ZNF335: variants seen among roughly 807,000 people sequenced by gnomAD.
The protein encoded by ZNF335 is zinc finger protein 335, also known as NRC-interacting factor 1.
Under a neutral mutation model 145.6 loss-of-function variants are expected in ZNF335, and 84 were observed. The observed-to-expected ratio is 0.58, with a 90% CI of 0.48 to 0.69. ZNF335 has a LOEUF of 0.69. ZNF335 is among the 30% of genes least tolerant of loss of function. The pLI, the probability that ZNF335 is intolerant of heterozygous loss-of-function variation, is 0.00. For synonymous variants in ZNF335, 761 were observed against 717.0 expected, an observed-to-expected ratio of 1.06 and a Z score of -0.98; for missense variants, 1,865 against 1,809.7, an observed-to-expected ratio of 1.03 and a Z score of -0.55.
At position 45,949,970 on chromosome 20, in the gene ZNF335, T is replaced by C. The variant is rs750079378; in HGVS notation, c.3587A>G (p.Asn1196Ser). The change falls in exon 23 of 28, where the codon AAT becomes AGT. Residue 1196 changes from asparagine (N) to serine (S), a missense_variant. Physicochemically the swap from Asn to Ser is conservative, Grantham distance 46. Coordinates refer to ENST00000322927, the MANE Select transcript of ZNF335 (RefSeq NM_022095.4). The stretch of plus-strand genomic sequence containing the variant: ...GCCCCCAGTCCTGACTCTTACCTGA[T>C]TGGTCACTGTCTGTTCCTGGGCAAC... ...IIVAQEQTVT[N>S]QEEAAYIQEI... 3.7e-6 allele frequency: 6 copies of C among 1,614,134 alleles called. No homozygotes were observed. Among genetic ancestry groups the C allele is most frequent in the South Asian group, 2.2e-5 (2 of 91,086 alleles).
At chr20:45,972,004 C>T (rs2084082086) in intron 1 of ZNF335, 118 bp downstream of exon 1, 1 of 1,205,626 alleles carries the variant, frequency 8.3e-7, no homozygotes, top group Non-Finnish European at 1.1e-6. Context: ...GCCTGGGACC[C>T]CGGGGCCCTG....
rs1012146460 is a variant in ZNF335, at chr20:45,971,201, G to A, written c.201+9C>T. The A allele has an allele frequency of 3.3e-6, 5 of 1,528,772 alleles. No homozygotes were observed. The highest frequency in any genetic ancestry group is 3.5e-6 in the Non-Finnish European group (4 of 1,139,318). The allele number at this position is 1,528,772 out of a possible 1,614,324, so 94.7% of individuals were successfully genotyped here. On this transcript the variant is annotated intron_variant, in intron 2 of 27. Transcript: ENST00000322927. ...TGCCTCCACCCACGCCGTCCAGCCG[G>A]GTCCATACCTGAGAACGGCTGCCGC...
At position 45,967,551 on chromosome 20, in the gene ZNF335, G is replaced by A; in HGVS notation, c.898C>T (p.Pro300Ser). 1 of 1,613,974 alleles carries A rather than the reference G, an allele frequency of 6.2e-7. No individual in the cohort carries two copies. The highest frequency in any genetic ancestry group is 8.5e-7 in the Non-Finnish European group (1 of 1,179,994). The change falls in exon 6 of 28, where the codon CCA (proline) becomes TCA (serine). Residue 300 changes from proline to serine, a missense_variant. By Grantham distance (74) the Pro-to-Ser change is moderately conservative. Transcript: ENST00000322927. The part of the protein sequence containing the change: ...TSTKSQEEEG[P>S]EEEDDDDIVD... ...ATGTCATCATCGTCCTCCTCCTCTG[G>A]TCCCTCTTCCTCTTGGCTCTTGGTG...
chr20:45,955,675 C>A lies in ZNF335; in HGVS notation c.2443-1727G>T, dbSNP rs73622635. ...CCCTACTAAAAATACAAAAAAGTAG[C>A]CAGGTGTGGTGACGTGCACCTGTAA... is the stretch of plus-strand genomic sequence containing the variant. On this transcript the variant is annotated intron_variant, in intron 17 of 27. Transcript: ENST00000322927. Among the ~76,000 whole-genome samples, 2,532 of 152,030 alleles carry A rather than the reference C, an allele frequency of 0.017. 164 individuals carry two copies. In the East Asian group the frequency reaches 0.22, roughly 13 times the overall value.
Position 45,949,991 on chromosome 20 carries a change from G to A in ZNF335, c.3566C>T (p.Ala1189Val). The A allele has an allele frequency of 1.2e-6, 2 of 1,614,170 alleles. No individual in the cohort carries two copies. Among genetic ancestry groups the A allele is most frequent in the Non-Finnish European group, 1.7e-6 (2 of 1,180,036 alleles). The change falls in exon 23 of 28, where the codon GCC becomes GTC. Residue 1189 changes from alanine to valine, a missense_variant. Ala to Val is a moderately conservative substitution (Grantham distance 64). Transcript: ENST00000322927. ...QALSQEHIIV[A>V]QEQTVTNQEE... The stretch of plus-strand genomic sequence containing the variant: ...CTGATTGGTCACTGTCTGTTCCTGG[G>A]CAACGATGATGTGTTCCTGGCTCAG...
chr20:45,959,603 G>C (rs962895655), intron 14 of ZNF335, among the ~76,000 whole-genome samples, 170 bp from the exon 15 acceptor site: 1 of 152,196 alleles, frequency 6.6e-6, no homozygotes, highest in Non-Finnish European at 1.5e-5. Context: ...GGACAGAAAT[G>C]AATCAGGGCC....
At chr20:45,954,982 C>T (rs2083700387) in intron 17 of ZNF335, among the ~76,000 whole-genome samples, 1 of 152,034 alleles carries the variant, frequency 6.6e-6, no homozygotes, top group African/African-American at 2.4e-5. Flanking sequence ...TGGTCTCAAA[C>T]TCCTGGACTC....
chr20:45,961,004 G>T, intron 10 of ZNF335, 122 bp from the exon 11 acceptor site: 1 of 1,328,778 alleles, frequency 7.5e-7, no homozygotes, highest in Non-Finnish European at 1.0e-6. Context: ...CTTTCTCTTA[G>T]AATAGTGCTT....
intron 2 of ZNF335, chr20:45,970,015 C>T (rs2084030734): frequency 4.0e-6 from 1 of 251,436 alleles, no homozygotes; most frequent in South Asian, 9.1e-5. Flanking sequence ...CCCAGCATCA[C>T]CCTATGGCTA....
chr20:45,971,480 T>C lies in ZNF335; in HGVS notation c.-50-20A>G, dbSNP rs377657962. The C allele has an allele frequency of 2.4e-5, 38 of 1,569,010 alleles. 1 individual carries two copies. Among genetic ancestry groups the C allele is most frequent in the East Asian group, 2.1e-4 (9 of 43,154 alleles). ...TTCACTCTGAGAAGAGAGGTGACCG[T>C]GGCTGGAACAAGTGGGCCATCTCCC... On this transcript the variant is annotated intron_variant, in intron 1 of 27. Transcript: ENST00000322927.
At chr20:45,950,190 C>T (rs755305329) in intron 22 of ZNF335, 29 bp downstream of exon 22, 6 of 1,558,898 alleles carry the variant, frequency 3.8e-6, no homozygotes, top group Admixed American at 3.7e-5. Context: ...TACCCTGTTG[C>T]CCACCCTGTG....
chr20:45,950,938 G>C (rs2083620214), intron 20 of ZNF335, among the ~76,000 whole-genome samples: 1 of 152,090 alleles, frequency 6.6e-6, no homozygotes, highest in East Asian at 1.9e-4. Context: ...TTGCCCAGAG[G>C]CTGGAGTGCA....
At chr20:45,954,071 C>T (rs912412008) in intron 17 of ZNF335, 123 bp from the exon 18 acceptor site, 3 of 1,231,298 alleles carry the variant, frequency 2.4e-6, no homozygotes, top group African/African-American at 3.0e-5. Context: ...AGTGCTGCCA[C>T]CACTCATTTG....
Position 45,971,847 on chromosome 20 carries a change from C to A in ZNF335, c.-51+275G>T, listed in dbSNP as rs540739755. 36 of 985,442 alleles carry A rather than the reference C, an allele frequency of 3.7e-5. No individual in the cohort carries two copies. In the East Asian group the frequency reaches 5.7e-4, roughly 16 times the overall value. The allele number at this position is 985,442 out of a possible 1,614,324, so 61.0% of individuals were successfully genotyped here. On this transcript the variant is annotated intron_variant, in intron 1 of 27. Transcript: ENST00000322927. ...CCCTGGGTCAGTGGTTCGCTCCCCC[C>A]CGGTTCCCCTGCGGAGGCGGCTGAC...
intron 20 of ZNF335, among the ~76,000 whole-genome samples, chr20:45,951,423 T>C (rs556684573): frequency 6.6e-6 from 1 of 152,394 alleles, no homozygotes; most frequent in African/African-American, 2.4e-5. Context: ...CTCGAACCTC[T>C]GTGCCCTCAG....
At chr20:45,958,213 A>C (rs767412428) in intron 15 of ZNF335, among the ~76,000 whole-genome samples, 12 of 152,026 alleles carry the variant, frequency 7.9e-5, no homozygotes, top group South Asian at 2.1e-4. Flanking sequence ...ACACCCAGCT[A>C]ATTTTTATAT....
intron 11 of ZNF335, 50 bp from the exon 12 acceptor site, chr20:45,960,782 G>A: frequency 6.2e-7 from 1 of 1,612,354 alleles, no homozygotes; most frequent in Non-Finnish European, 8.5e-7. Context: ...GGAGGAGGGA[G>A]GATAAAACCT....
intron 6 of ZNF335, chr20:45,967,254 T>G (rs2083972447): frequency 3.4e-6 from 2 of 581,230 alleles, no homozygotes; most frequent in Admixed American, 6.0e-5. Context: ...GCACCTTTAC[T>G]TGTATTCTAT....
In ZNF335 at chr20:45,949,701, C is replaced by T. The variant is rs541241560; in HGVS notation, c.3669+99G>A. On this transcript the variant is annotated intron_variant, in intron 24 of 27. Transcript: ENST00000322927. ...TGCAGTTGTTGGCAAGCATGGACCC[C>T]AGGAGGGGTGGTTTGGAAAGTATCA... 4 of 1,505,638 alleles carry T rather than the reference C, an allele frequency of 2.7e-6. No individual in the cohort carries two copies. The African/African-American group carries it at 5.5e-5, about 21-fold the overall frequency. The allele number at this position is 1,505,638 out of a possible 1,614,324, so 93.3% of individuals were successfully genotyped here.
Sources: allele counts gnomAD v4.1 joint callset (sites outside exome capture counted in the v4.1 genomes callset), GRCh38; gene constraint gnomAD v4.1.1; transcripts MANE v1.5; gene names NCBI Gene and HGNC (gene_info 2026-07-23, HGNC 2026-07-21).